DESI2: variants seen among roughly 807,000 people sequenced by gnomAD.
DESI2 encodes the protein desumoylating isopeptidase 2.
DESI2 carries 10 observed loss-of-function variants against 24.1 expected under a neutral mutation model. That is an observed-to-expected ratio of 0.41 (90% CI 0.26 to 0.70). The LOEUF (loss-of-function observed/expected upper bound fraction) is 0.70, where lower values mean the gene tolerates loss of function less well. Among genes scored for constraint, DESI2 ranks in the 30% least tolerant of loss-of-function variants. The pLI, the probability that DESI2 is intolerant of heterozygous loss-of-function variation, is 0.29. For synonymous variants in DESI2, 71 were observed against 87.7 expected, an observed-to-expected ratio of 0.81 and a Z score of 1.06; for missense variants, 122 against 234.9, an observed-to-expected ratio of 0.52 and a Z score of 3.14.
intron 3 of DESI2, among the ~76,000 whole-genome samples, chr1:244,690,503 C>G (rs1181595562): frequency 6.6e-6 from 1 of 152,018 alleles, no homozygotes; most frequent in Non-Finnish European, 1.5e-5. Context: ...GTCAGGAGTT[C>G]GAGATCAGCC....
In DESI2 at chr1:244,706,003, T is replaced by TA. The variant is rs1677685821; in HGVS notation, c.*215dup. On this transcript the variant is annotated 3_prime_UTR_variant, in exon 5 of 5. Coordinates refer to ENST00000302550, the MANE Select transcript of DESI2 (RefSeq NM_016076.5). The stretch of plus-strand genomic sequence containing the variant: ...GTAAGAAGCTGCCCTCTGTTTTTTT[T>TA]ATCCACTCGTAAATCTGGATTTATT... 5.5e-6 allele frequency: 3 copies of TA among 544,962 alleles called. No individual in the cohort carries two copies. The highest frequency in any genetic ancestry group is 1.9e-5 in the African/African-American group (1 of 52,882). The allele number at this position is 544,962 out of a possible 1,614,324, so 33.8% of individuals were successfully genotyped here. A position where few individuals can be genotyped will look rare whatever the true frequency, so the allele number is the denominator to read the frequency against.
At chr1:244,698,162 C>T (rs147329318) in intron 4 of DESI2, among the ~76,000 whole-genome samples, 11 of 152,220 alleles carry the variant, frequency 7.2e-5, no homozygotes, top group East Asian at 1.9e-4. Flanking sequence ...GTCGCAGATG[C>T]GAGGGGGATT....
At chr1:244,680,949 T>TA (rs1491522268) in intron 1 of DESI2, among the ~76,000 whole-genome samples, 4 of 4,314 alleles carry the variant, frequency 9.3e-4, no homozygotes, top group Non-Finnish European at 1.4e-3. Context: ...CTCCTTTTAC[T>TA]TTTTTTTTTT....
intron 1 of DESI2, among the ~76,000 whole-genome samples, chr1:244,660,888 C>G (rs1252735799): frequency 6.6e-6 from 1 of 152,118 alleles, no homozygotes; most frequent in African/African-American, 2.4e-5. Flanking sequence ...ATTATACTTT[C>G]ACGTTATATT....
Position 244,653,349 on chromosome 1 carries a change from C to T in DESI2, c.36C>T (p.Tyr12=). The stretch of plus-strand genomic sequence containing the variant: ...ACCAGTTAGTGGTGCTCAACGTGTA[C>T]GACATGGTGAGTGCGGCCCCTGGCG... ...GANQLVVLNV[Y]DMYWMNEYTS... is the part of the protein sequence containing the mutation. Residue 12 remains tyrosine, a synonymous_variant, in exon 1 of 5, where the codon TAC becomes TAT. Coordinates refer to ENST00000302550, the MANE Select transcript of DESI2 (RefSeq NM_016076.5). The T allele has an allele frequency of 1.3e-6, 2 of 1,543,010 alleles. No individual in the cohort carries two copies. Among genetic ancestry groups the T allele is most frequent in the South Asian group, 1.2e-5 (1 of 81,934 alleles).
intron 4 of DESI2, among the ~76,000 whole-genome samples, chr1:244,698,129 G>A (rs1474486977): frequency 6.6e-6 from 1 of 152,224 alleles, no homozygotes; most frequent in East Asian, 1.9e-4. Flanking sequence ...AGAAGTTGAT[G>A]TAAAATGTTT....
chr1:244,688,377 A>G (rs931538928), intron 2 of DESI2, among the ~76,000 whole-genome samples: 1 of 152,168 alleles, frequency 6.6e-6, no homozygotes, highest in South Asian at 2.1e-4. Context: ...AAACTACATC[A>G]TTGCTTTTTT....
rs1271483280 is a variant in DESI2, at chr1:244,689,395, T to C, written c.209+53T>C. ...ACTGTCTTAGGTGCCATAGCTTGTTTTCAGGTATACAGAATTCATTCTGTA... is the reference window on the plus strand; with the variant it reads ...ACTGTCTTAGGTGCCATAGCTTGTTCTCAGGTATACAGAATTCATTCTGTA... On this transcript the variant is annotated intron_variant, in intron 3 of 4. Coordinates refer to ENST00000302550, the MANE Select transcript of DESI2 (RefSeq NM_016076.5). This position sits in a 1 kb window ranked among gnomAD's most constrained non-coding sequence, Gnocchi z 4.0. 2.3e-6 allele frequency: 2 copies of C among 855,274 alleles called. No homozygotes were observed. Among genetic ancestry groups the C allele is most frequent in the Non-Finnish European group, 3.9e-6 (2 of 507,706 alleles). 53.0% of individuals were successfully genotyped at this position (855,274 alleles called of 1,614,324 possible).
Position 244,706,990 on chromosome 1 carries a change from G to A in DESI2, c.*1201G>A, listed in dbSNP as rs1677731873. 6.6e-6 allele frequency: 1 copy of A among 152,568 alleles called. No homozygotes were observed. Among genetic ancestry groups the A allele is most frequent in the Non-Finnish European group, 1.5e-5 (1 of 68,018 alleles). 9.5% of individuals were successfully genotyped at this position (152,568 alleles called of 1,614,324 possible). A position where few individuals can be genotyped will look rare whatever the true frequency, so the allele number is the denominator to read the frequency against. On this transcript the variant is annotated 3_prime_UTR_variant, in exon 5 of 5. Transcript: ENST00000302550. ...TGTCACCACAGGTAAATCCTTGTTA[G>A]CAAGGAATCTGTCTGCTCCAGTCTA...
At chr1:244,682,451 C>T (rs372005218) in intron 1 of DESI2, among the ~76,000 whole-genome samples, 203 of 152,296 alleles carry the variant, frequency 1.3e-3, no homozygotes, top group African/African-American at 4.4e-3. Context: ...ACATTTACAT[C>T]GTTCAAATGT....
chr1:244,664,270 A>T (rs1434986075), intron 1 of DESI2, among the ~76,000 whole-genome samples: 1 of 152,196 alleles, frequency 6.6e-6, no homozygotes, highest in Non-Finnish European at 1.5e-5. Flanking sequence ...TAGCAGCCCT[A>T]TATAGAAGGA....
chr1:244,653,480 G>T, intron 1 of DESI2, 125 bp downstream of exon 1: 3 of 965,938 alleles, frequency 3.1e-6, no homozygotes, highest in Non-Finnish European at 4.5e-6. Flanking sequence ...GTTCTCGGGG[G>T]AAGCCGGGGG....
intron 4 of DESI2, among the ~76,000 whole-genome samples, chr1:244,703,698 G>T (rs1214828892): frequency 6.8e-6 from 1 of 146,040 alleles, no homozygotes; most frequent in Non-Finnish European, 1.5e-5. Context: ...TTGCTCTGTT[G>T]CCCCGGCTGG....
intron 4 of DESI2, among the ~76,000 whole-genome samples, chr1:244,696,955 CA>C (rs1677239510): frequency 6.6e-6 from 1 of 152,170 alleles, no homozygotes; most frequent in African/African-American, 2.4e-5. Context: ...CCCTGGTAGA[CA>C]TTTCATATAT....
intron 1 of DESI2, among the ~76,000 whole-genome samples, chr1:244,662,441 C>G (rs1675881953): frequency 6.6e-6 from 1 of 152,114 alleles, no homozygotes; most frequent in Non-Finnish European, 1.5e-5. Flanking sequence ...TGGGCTTGCA[C>G]TAAACTTATA....
At chr1:244,653,886 A>T (rs1356139997) in intron 1 of DESI2, 1 of 470,422 alleles carries the variant, frequency 2.1e-6, no homozygotes. Context: ...AACAGGAGCC[A>T]ACACACCCTT....
intron 1 of DESI2, among the ~76,000 whole-genome samples, chr1:244,683,466 C>T (rs1676696691): frequency 6.6e-6 from 1 of 151,850 alleles, no homozygotes; most frequent in Non-Finnish European, 1.5e-5. Context: ...TGCCCGCCAT[C>T]ACACCCGGCT....
intron 4 of DESI2, among the ~76,000 whole-genome samples, chr1:244,693,569 C>G (rs1677103602): frequency 6.6e-6 from 1 of 152,062 alleles, no homozygotes; most frequent in Non-Finnish European, 1.5e-5. Context: ...GTAGCTGGGA[C>G]TATAGGCACC....
At position 244,705,854 on chromosome 1, in the gene DESI2, CAG is replaced by C. The variant is rs1231482621; in HGVS notation, c.*69_*70del. On this transcript the variant is annotated 3_prime_UTR_variant, in exon 5 of 5. Transcript: ENST00000302550. ...TCGAATATCACTAGAGAAAAGTAAA[CAG>C]AGAAGCATCCTTTAGATATTTTGTA... 1.7e-6 allele frequency: 2 copies of C among 1,144,896 alleles called. No homozygotes were observed. Among genetic ancestry groups the C allele is most frequent in the Admixed American group, 2.1e-5 (1 of 47,004 alleles). The allele number at this position is 1,144,896 out of a possible 1,614,324, so 70.9% of individuals were successfully genotyped here. A position where few individuals can be genotyped will look rare whatever the true frequency, so the allele number is the denominator to read the frequency against.
Sources: gnomAD v4.1 joint callset for allele counts (sites outside exome capture counted in the v4.1 genomes callset) on GRCh38, gnomAD v4.1.1 for gene constraint, Gnocchi (gnomAD v3.1) non-coding constraint, MANE v1.5 for transcripts, NCBI Gene and HGNC (gene_info 2026-07-23, HGNC 2026-07-21) for gene names.